The following PARD6G variants were observed in gnomAD, a reference collection of about 807,000 sequenced individuals.
PARD6G encodes the protein partitioning defective 6 homolog gamma.
PARD6G carries 7 observed loss-of-function variants against 10.7 expected under a neutral mutation model. The observed-to-expected ratio is 0.66, with a 90% CI of 0.37 to 1.23. The LOEUF (loss-of-function observed/expected upper bound fraction) is 1.23, where lower values mean the gene tolerates loss of function less well. Ranked by LOEUF, PARD6G falls within the 50% of genes most tolerant of loss-of-function variation. PARD6G has a pLI of 0.02. For missense variants in PARD6G, 548 were observed against 571.8 expected (o/e 0.96, Z 0.42); for synonymous variants, 287 against 269.4 (o/e 1.07, Z -0.64).
intron 2 of PARD6G, among the ~76,000 whole-genome samples, chr18:80,197,812 C>T (rs1966971693): frequency 6.6e-6 from 1 of 152,228 alleles, no homozygotes; most frequent in Non-Finnish European, 1.5e-5. Flanking sequence ...CATTCCTGCA[C>T]CCTTGGGGAG....
At chr18:80,210,896 C>G (rs569849897) in intron 1 of PARD6G, among the ~76,000 whole-genome samples, 1 of 151,986 alleles carries the variant, frequency 6.6e-6, no homozygotes, top group African/African-American at 2.4e-5. Context: ...CTCCCCACCC[C>G]CCATCCCCAA....
chr18:80,221,515 T>C (rs536665368), intron 1 of PARD6G, among the ~76,000 whole-genome samples: 11 of 152,158 alleles, frequency 7.2e-5, no homozygotes, highest in Admixed American at 2.0e-4. Flanking sequence ...CTTTTATGAT[T>C]AAAAACACTC....
In PARD6G at chr18:80,174,178, T is replaced by C. The variant is rs550788089; in HGVS notation, c.296-13572A>G. Among the ~76,000 whole-genome samples, 14 of 152,294 alleles carry C rather than the reference T, an allele frequency of 9.2e-5. No homozygotes were observed. In the South Asian group the frequency reaches 2.9e-3, roughly 32 times the overall value. On this transcript the variant is annotated intron_variant, in intron 2 of 2. Coordinates refer to ENST00000353265, the MANE Select transcript of PARD6G (RefSeq NM_032510.4). ...AGCAAGTTCACAGCCAAGCCTGTTCTTTCCAGGCCCTGTATCCTCTCCAGG... is the reference window on the plus strand; with the variant it reads ...AGCAAGTTCACAGCCAAGCCTGTTCCTTCCAGGCCCTGTATCCTCTCCAGG...
rs1024492711 is a variant in PARD6G at position 80,228,327 on chromosome 18, G to A, written c.72+18950C>T. Among the ~76,000 whole-genome samples, 8 of 152,086 alleles carry A rather than the reference G, an allele frequency of 5.3e-5. No individual in the cohort carries two copies. The highest frequency in any genetic ancestry group is 3.9e-4 in the Admixed American group (6 of 15,268). On this transcript the variant is annotated intron_variant, in intron 1 of 2. Coordinates refer to ENST00000353265, the MANE Select transcript of PARD6G (RefSeq NM_032510.4). This position sits in a 1 kb window ranked among gnomAD's most constrained non-coding sequence, Gnocchi z 4.6. ...GCGGAGGGGAGGCCAGGGGAGGGGAGTTCCCGGACACACGGTCCTGGAGAA... is the reference window on the plus strand; with the variant it reads ...GCGGAGGGGAGGCCAGGGGAGGGGAATTCCCGGACACACGGTCCTGGAGAA...
At chr18:80,209,685 G>A (rs1301252069) in intron 1 of PARD6G, among the ~76,000 whole-genome samples, 3 of 152,054 alleles carry the variant, frequency 2.0e-5, no homozygotes, top group Admixed American at 1.3e-4. Context: ...GGTGGCACAC[G>A]CCTGTAGTCT....
chr18:80,232,646 G>A (rs1321504549), intron 1 of PARD6G, among the ~76,000 whole-genome samples: 3 of 104,672 alleles, frequency 2.9e-5, no homozygotes, highest in Admixed American at 1.3e-4. Context: ...CCCACAACAC[G>A]TGGGAGTTAT....
At chr18:80,213,426 T>C (rs1055965823) in intron 1 of PARD6G, among the ~76,000 whole-genome samples, 2 of 152,182 alleles carry the variant, frequency 1.3e-5, no homozygotes, top group African/African-American at 4.8e-5. Context: ...ACCAGAGTGT[T>C]GAAGCTGTGT....
rs1033218240 is a variant in PARD6G, at chr18:80,246,416, G to A, written c.72+861C>T. On this transcript the variant is annotated intron_variant, in intron 1 of 2. Transcript: ENST00000353265. The surrounding 1 kb of genome is among the most constrained non-coding windows in gnomAD (Gnocchi z 6.7). Reference sequence around the variant, plus strand: ...TCCTACCAGCCAATTACCCAGACGCGCATCGCGACCCGCAAGTTCGGGCAC... The same window carrying A: ...TCCTACCAGCCAATTACCCAGACGCACATCGCGACCCGCAAGTTCGGGCAC... 6.6e-6 allele frequency among the ~76,000 whole-genome samples: 1 copy of A among 152,176 alleles called. No homozygotes were observed. Among genetic ancestry groups the A allele is most frequent in the Admixed American group, 6.5e-5 (1 of 15,290 alleles).
chr18:80,169,421 G>A (rs2052759719), intron 2 of PARD6G: 1 of 152,430 alleles, frequency 6.6e-6, no homozygotes, highest in Non-Finnish European at 1.5e-5. Context: ...GAAGGACTCA[G>A]AATTGCGGGG....
intron 2 of PARD6G, among the ~76,000 whole-genome samples, chr18:80,191,177 A>C (rs1274590424): frequency 6.6e-6 from 1 of 152,200 alleles, no homozygotes; most frequent in Non-Finnish European, 1.5e-5. Context: ...GGCTTATTCA[A>C]GGGTTTCAGC....
At chr18:80,216,437 A>G (rs140920218) in intron 1 of PARD6G, among the ~76,000 whole-genome samples, 35 of 152,280 alleles carry the variant, frequency 2.3e-4, no homozygotes, top group African/African-American at 6.3e-4. Flanking sequence ...CAACCACAAG[A>G]AAATGAAATT....
In PARD6G at chr18:80,159,703, C is replaced by T. The variant is rs867763042; in HGVS notation, c.*68G>A. The T allele has an allele frequency of 1.5e-5, 20 of 1,321,538 alleles. 1 individual carries two copies. The Middle Eastern group carries it at 2.1e-3, about 142-fold the overall frequency. The allele number at this position is 1,321,538 out of a possible 1,614,324, so 81.9% of individuals were successfully genotyped here. A position where few individuals can be genotyped will look rare whatever the true frequency, so the allele number is the denominator to read the frequency against. ...AAAAACAACAAAAAATGAGCGGATG[C>T]AGTCTGCAGGTCCTGTCCCTGTCCT... On this transcript the variant is annotated 3_prime_UTR_variant, in exon 3 of 3. Transcript: ENST00000353265.
At chr18:80,205,201 A>C (rs1244069879) in intron 1 of PARD6G, among the ~76,000 whole-genome samples, 1 of 152,164 alleles carries the variant, frequency 6.6e-6, no homozygotes, top group African/African-American at 2.4e-5. Flanking sequence ...CCCGTTATTC[A>C]AGGGGAAACG....
intron 2 of PARD6G, among the ~76,000 whole-genome samples, chr18:80,190,407 C>T (rs959331241): frequency 1.3e-5 from 2 of 152,156 alleles, no homozygotes; most frequent in Admixed American, 1.3e-4. Context: ...AGAGTCTGTT[C>T]CCAGTGGGCA....
intron 2 of PARD6G, among the ~76,000 whole-genome samples, chr18:80,190,692 T>C (rs1451276149): frequency 6.6e-6 from 1 of 152,100 alleles, no homozygotes; most frequent in Non-Finnish European, 1.5e-5. Flanking sequence ...AGAGGAGGTA[T>C]TGGAGACCAT....
rs1435390745 is a variant in PARD6G, at chr18:80,200,153, G to A, written c.295+2557C>T. ...ATAGCATGACCGTGACTGACCCCTC[G>A]ACACCCCTGCTGCAGTAAAAAGGCT... On this transcript the variant is annotated intron_variant, in intron 2 of 2. Coordinates refer to ENST00000353265, the MANE Select transcript of PARD6G (RefSeq NM_032510.4). This position sits in a 1 kb window ranked among gnomAD's most constrained non-coding sequence, Gnocchi z 4.4. Among the ~76,000 whole-genome samples the A allele has an allele frequency of 6.6e-6, 1 of 151,998 alleles. No homozygotes were observed. The highest frequency in any genetic ancestry group is 2.4e-5 in the African/African-American group (1 of 41,390).
In PARD6G at chr18:80,205,338, A is replaced by G. The variant is rs369425654; in HGVS notation, c.73-2406T>C. Among the ~76,000 whole-genome samples the G allele has an allele frequency of 1.1e-4, 17 of 152,370 alleles. No homozygotes were observed. In the South Asian group the frequency reaches 3.5e-3, roughly 32 times the overall value. On this transcript the variant is annotated intron_variant, in intron 1 of 2. Coordinates refer to ENST00000353265, the MANE Select transcript of PARD6G (RefSeq NM_032510.4). ...AGTTTTATGCGGTATCTTTCAGATC[A>G]CAAAGCATTTATTTCACTAACATCA...
chr18:80,188,542 C>T lies in PARD6G; in HGVS notation c.295+14168G>A, dbSNP rs553086361. Among the ~76,000 whole-genome samples the T allele has an allele frequency of 6.6e-6, 1 of 152,338 alleles. No individual in the cohort carries two copies. Among genetic ancestry groups the T allele is most frequent in the South Asian group, 2.1e-4 (1 of 4,832 alleles). ...ACCCTCCTAGTACAGGCGCCTCGAC[C>T]CAACTGTGCCAGCACAACCATCCCA... On this transcript the variant is annotated intron_variant, in intron 2 of 2. Coordinates refer to ENST00000353265, the MANE Select transcript of PARD6G (RefSeq NM_032510.4). The surrounding 1 kb of genome is among the most constrained non-coding windows in gnomAD (Gnocchi z 5.4).
chr18:80,160,562 G>C lies in PARD6G; in HGVS notation c.340C>G (p.Arg114Gly). The C allele has an allele frequency of 6.8e-7, 1 of 1,474,956 alleles. No individual in the cohort carries two copies. The highest frequency in any genetic ancestry group is 1.4e-5 in the African/African-American group (1 of 70,632). The allele number at this position is 1,474,956 out of a possible 1,614,324, so 91.4% of individuals were successfully genotyped here. A position where few individuals can be genotyped will look rare whatever the true frequency, so the allele number is the denominator to read the frequency against. ...GSLGAGSLCRRRRALGALRDE... is the reference protein window; with the variant it reads ...GSLGAGSLCRGRRALGALRDE... ...CGCAGCGCGCCCAGCGCCCGCCTCCGCCTGCACAGCGAGCCCGCGCCGAGG... is the reference window on the plus strand; with the variant it reads ...CGCAGCGCGCCCAGCGCCCGCCTCCCCCTGCACAGCGAGCCCGCGCCGAGG... Residue 114 changes from arginine to glycine, a missense_variant, in exon 3 of 3, where the codon CGG (arginine) becomes GGG (glycine). Coordinates refer to ENST00000353265, the MANE Select transcript of PARD6G (RefSeq NM_032510.4).
Sources: gnomAD v4.1 joint callset for allele counts (sites outside exome capture counted in the v4.1 genomes callset) on GRCh38, gnomAD v4.1.1 for gene constraint, Gnocchi (gnomAD v3.1) non-coding constraint, MANE v1.5 for transcripts, NCBI Gene and HGNC (gene_info 2026-07-23, HGNC 2026-07-21) for gene names.